ARHGAP8: variants seen among roughly 807,000 people sequenced by gnomAD.
The protein encoded by ARHGAP8 is rho GTPase-activating protein 8.
ARHGAP8 carries 62 observed loss-of-function variants against 46.1 expected under a neutral mutation model. The observed-to-expected ratio is 1.34, with a 90% CI of 1.10 to 1.66. ARHGAP8 has a LOEUF of 1.66. Among genes scored for constraint, ARHGAP8 ranks in the 40% most tolerant of loss-of-function variants. The pLI is 0.00. For synonymous variants in ARHGAP8, 375 were observed against 243.1 expected (o/e 1.54, Z -5.05); for missense variants, 923 against 568.4 (o/e 1.62, Z -6.34).
At chr22:44,849,871 G>C (rs1383196313) in intron 10 of ARHGAP8, 1 of 152,206 alleles carries the variant, frequency 6.6e-6, no homozygotes, top group Admixed American at 6.5e-5. Context: ...CCTGGCCTTT[G>C]TCCTGGCCCC....
At chr22:44,837,799 C>G (rs958787333) in intron 7 of ARHGAP8, among the ~76,000 whole-genome samples, 1 of 152,090 alleles carries the variant, frequency 6.6e-6, no homozygotes, top group Non-Finnish European at 1.5e-5. Flanking sequence ...CTGTGAGAGC[C>G]TCAGAGTAGA....
intron 3 of ARHGAP8, among the ~76,000 whole-genome samples, chr22:44,807,366 G>A (rs116978125): frequency 0.025 from 3,745 of 152,302 alleles, 73 homozygotes; most frequent in Middle Eastern, 0.068. Flanking sequence ...AGGATGGAAC[G>A]TGGTCCATGG....
At chr22:44,785,553 A>T (rs572184346) in intron 1 of ARHGAP8, among the ~76,000 whole-genome samples, 1 of 152,100 alleles carries the variant, frequency 6.6e-6, no homozygotes, top group African/African-American at 2.4e-5. Flanking sequence ...AGTTGACCAC[A>T]TCTTAACTAC....
In ARHGAP8 at chr22:44,862,479, G is replaced by T. The variant is rs202125480; in HGVS notation, c.1186G>T (p.Glu396Ter). 5 of 1,613,614 alleles carry T rather than the reference G, an allele frequency of 3.1e-6. No individual in the cohort carries two copies. The East Asian group carries it at 6.7e-5, about 22-fold the overall frequency. The change falls in exon 12 of 12, where the codon GAA (glutamate) becomes TAA (stop). Residue 396 changes from glutamate to a stop codon, truncating the protein, a stop_gained. Transcript: ENST00000356099. LOFTEE classifies it low-confidence loss of function (END_TRUNC). ...APGEHGLAPW[E>*]QGSRAAPLQE... ...TGGGGAGCACGGCCTGGCACCATGG[G>T]AACAGGGGAGCAGGGCAGCCCCTTT...
rs555934462 is a variant in ARHGAP8, at chr22:44,853,359, C to A, written c.877+4299C>A. Among the ~76,000 whole-genome samples, 9 of 152,284 alleles carry A rather than the reference C, an allele frequency of 5.9e-5. No homozygotes were observed. The South Asian group carries it at 1.9e-3, about 32-fold the overall frequency. ...TTTATATCAAGTCTTCCAGCGTCAG[C>A]TTTTGGGGCTTTGGGGAAATGGCAG... On this transcript the variant is annotated intron_variant, in intron 10 of 11. Transcript: ENST00000356099.
intron 2 of ARHGAP8, among the ~76,000 whole-genome samples, 197 bp downstream of exon 2, chr22:44,786,803 C>G (rs1400340076): frequency 6.6e-6 from 1 of 151,970 alleles, no homozygotes; most frequent in Non-Finnish European, 1.5e-5. Context: ...TTGCTTCAGC[C>G]CACGAATTCG....
chr22:44,831,429 C>T (rs1930936021), intron 7 of ARHGAP8, among the ~76,000 whole-genome samples: 1 of 152,194 alleles, frequency 6.6e-6, no homozygotes, highest in African/African-American at 2.4e-5. Flanking sequence ...GGCAGGGTGG[C>T]TCACGCCTAT....
chr22:44,753,334 G>A (rs1403766617), intron 1 of ARHGAP8, among the ~76,000 whole-genome samples: 1 of 151,598 alleles, frequency 6.6e-6, no homozygotes, highest in African/African-American at 2.4e-5. Flanking sequence ...CGATTCTTGT[G>A]CCTCAGCCTC....
At chr22:44,827,642 C>A (rs1930633700) in intron 7 of ARHGAP8, among the ~76,000 whole-genome samples, 1 of 152,012 alleles carries the variant, frequency 6.6e-6, no homozygotes, top group East Asian at 1.9e-4. Flanking sequence ...CTCGCCTGGC[C>A]CATTTGTGTT....
intron 1 of ARHGAP8, among the ~76,000 whole-genome samples, chr22:44,780,303 G>A (rs533259647): frequency 1.3e-5 from 2 of 152,096 alleles, no homozygotes; most frequent in Non-Finnish European, 2.9e-5. Context: ...GCTGCAGTGA[G>A]CTGTGATTGC....
chr22:44,809,180 C>G (rs775748222), intron 4 of ARHGAP8: 2 of 470,990 alleles, frequency 4.2e-6, no homozygotes, highest in South Asian at 3.1e-5. Context: ...GCCTGTTGCT[C>G]TATTGCAACA....
intron 5 of ARHGAP8, among the ~76,000 whole-genome samples, chr22:44,819,943 C>T (rs1251002169): frequency 6.6e-6 from 1 of 152,176 alleles, no homozygotes; most frequent in African/African-American, 2.4e-5. Flanking sequence ...AGGAGAGGAC[C>T]ATAGGAATTG....
rs978597367 is a variant in ARHGAP8 at position 44,803,574 on chromosome 22, G to A, written c.167+1410G>A. On this transcript the variant is annotated intron_variant, in intron 3 of 11. Transcript: ENST00000356099. ...TATGTCCCCTTGTGTGCTTACCTGC[G>A]TTCTGTGCCAGTCCCCTACTGTGGC... 2.0e-4 allele frequency among the ~76,000 whole-genome samples: 28 copies of A among 142,346 alleles called. No individual in the cohort carries two copies. The South Asian group carries it at 3.2e-3, about 16-fold the overall frequency. 93.4% of individuals were successfully genotyped at this position (142,346 alleles called of 152,430 possible). A position where few individuals can be genotyped will look rare whatever the true frequency, so the allele number is the denominator to read the frequency against.
intron 1 of ARHGAP8, among the ~76,000 whole-genome samples, chr22:44,761,576 A>C (rs1036661011): frequency 6.6e-6 from 1 of 152,232 alleles, no homozygotes; most frequent in Admixed American, 6.5e-5. Flanking sequence ...GGTATCTGCC[A>C]GGAGTCCTGG....
chr22:44,765,655 G>A (rs1455538527), intron 1 of ARHGAP8, among the ~76,000 whole-genome samples: 3 of 152,148 alleles, frequency 2.0e-5, no homozygotes, highest in African/African-American at 7.2e-5. Context: ...GGCATGACAG[G>A]GTGGCAGGGA....
intron 4 of ARHGAP8, among the ~76,000 whole-genome samples, chr22:44,812,463 T>C (rs5766051): frequency 0.47 from 70,508 of 150,876 alleles, 16,827 homozygotes; most frequent in South Asian, 0.6. Flanking sequence ...TTCAAGTGAT[T>C]CTCCTGCCTC....
chr22:44,852,471 A>G (rs2070121564), intron 10 of ARHGAP8, among the ~76,000 whole-genome samples: 1 of 152,136 alleles, frequency 6.6e-6, no homozygotes, highest in Non-Finnish European at 1.5e-5. Context: ...CCTTCAGCTC[A>G]ATAACATATT....
intron 11 of ARHGAP8, among the ~76,000 whole-genome samples, chr22:44,861,556 G>C (rs917599887): frequency 6.6e-6 from 1 of 152,166 alleles, no homozygotes; most frequent in Non-Finnish European, 1.5e-5. Flanking sequence ...CCTCCCTCCA[G>C]TTCTCTGCTC....
intron 2 of ARHGAP8, among the ~76,000 whole-genome samples, chr22:44,795,126 A>G (rs1206471785): frequency 6.6e-6 from 1 of 152,144 alleles, no homozygotes; most frequent in Non-Finnish European, 1.5e-5. Context: ...GAGGGAGTAA[A>G]AAGCCTTCAA....
Sources: allele counts gnomAD v4.1 joint callset (sites outside exome capture counted in the v4.1 genomes callset), GRCh38; gene constraint gnomAD v4.1.1; transcripts MANE v1.5; gene names NCBI Gene and HGNC (gene_info 2026-07-23, HGNC 2026-07-21).